Variants in HS2ST1 observed in about 807,000 individuals in gnomAD.
HS2ST1 encodes 2-O-sulfotransferase.
In HS2ST1, 18 loss-of-function variants were observed where a neutral mutation model predicts 42.9. That is an observed-to-expected ratio of 0.42 (90% CI 0.29 to 0.62). HS2ST1 has a LOEUF of 0.62. Among genes scored for constraint, HS2ST1 ranks in the 20% least tolerant of loss-of-function variants. The pLI is 0.21. For synonymous variants in HS2ST1, 146 were observed against 152.9 expected, an observed-to-expected ratio of 0.95 and a Z score of 0.33; for missense variants, 334 against 433.8, an observed-to-expected ratio of 0.77 and a Z score of 2.04.
chr1:86,926,354 C>T (rs1660422300), intron 1 of HS2ST1, among the ~76,000 whole-genome samples: 1 of 152,218 alleles, frequency 6.6e-6, no homozygotes, highest in Non-Finnish European at 1.5e-5. Context: ...CGGCAAACTT[C>T]AGCCGCCTTG....
chr1:87,001,856 G>A (rs563046425), intron 1 of HS2ST1, among the ~76,000 whole-genome samples: 8 of 151,510 alleles, frequency 5.3e-5, no homozygotes, highest in Admixed American at 2.0e-4. Flanking sequence ...CATGTGATCC[G>A]TCCACATCGG....
At position 86,915,147 on chromosome 1, in the gene HS2ST1, C is replaced by A; in HGVS notation, c.111C>A (p.Ser37=). The change falls in exon 1 of 7, where the codon TCC becomes TCA. Residue 37 remains serine (S), a synonymous_variant. Coordinates refer to ENST00000370550, the MANE Select transcript of HS2ST1 (RefSeq NM_012262.4). ...LENQIQKLEE[S]RSKLERAIAR... ...ACCAGATCCAGAAACTGGAGGAGTC[C>A]CGCTCGAAGCTAGGTGAGGAACTGA... 2 of 1,613,660 alleles carry A rather than the reference C, an allele frequency of 1.2e-6. No individual in the cohort carries two copies. Among genetic ancestry groups the A allele is most frequent in the East Asian group, 4.5e-5 (2 of 44,878 alleles).
chr1:86,940,003 A>C (rs185772198), intron 1 of HS2ST1, among the ~76,000 whole-genome samples: 8 of 152,300 alleles, frequency 5.3e-5, no homozygotes, highest in Admixed American at 5.2e-4. Flanking sequence ...ACTGTTAGCA[A>C]TATTTTTTTG....
intron 1 of HS2ST1, among the ~76,000 whole-genome samples, chr1:87,054,829 A>G (rs1650921055): frequency 6.6e-6 from 1 of 152,226 alleles, no homozygotes; most frequent in Non-Finnish European, 1.5e-5. Flanking sequence ...GAATTACTGC[A>G]TAAAAGGCTG....
chr1:86,917,281 G>A (rs964735216), intron 1 of HS2ST1, among the ~76,000 whole-genome samples: 5 of 152,314 alleles, frequency 3.3e-5, no homozygotes, highest in African/African-American at 1.2e-4. Flanking sequence ...CACTTTGGGA[G>A]GCCGAGGCCG....
chr1:87,096,401 G>C (rs567006327), intron 4 of HS2ST1, among the ~76,000 whole-genome samples: 28 of 152,146 alleles, frequency 1.8e-4, no homozygotes, highest in Non-Finnish European at 3.5e-4. Context: ...AACATATTTT[G>C]TTATACAGCG....
chr1:86,955,164 A>G (rs1647641066), intron 1 of HS2ST1, among the ~76,000 whole-genome samples: 1 of 152,208 alleles, frequency 6.6e-6, no homozygotes, highest in Admixed American at 6.5e-5. Context: ...AAAGACAAAA[A>G]TAATTTCTTA....
intron 3 of HS2ST1, among the ~76,000 whole-genome samples, chr1:87,086,430 A>C (rs965029012): frequency 3.9e-5 from 6 of 152,150 alleles, no homozygotes; most frequent in Admixed American, 6.5e-5. Flanking sequence ...TCTTCAAAAC[A>C]ATATTCTTGA....
At chr1:87,069,714 G>A (rs996572700) in intron 1 of HS2ST1, among the ~76,000 whole-genome samples, 1 of 152,042 alleles carries the variant, frequency 6.6e-6, no homozygotes, top group Non-Finnish European at 1.5e-5. Context: ...AATAGAAAAT[G>A]CATGTAAATA....
intron 1 of HS2ST1, among the ~76,000 whole-genome samples, chr1:86,983,762 G>T (rs1265012332): frequency 2.0e-5 from 3 of 152,030 alleles, no homozygotes; most frequent in Non-Finnish European, 4.4e-5. Context: ...ATTTGGCAAG[G>T]CAAGGCACGG....
chr1:87,052,707 T>G (rs1650867282), intron 1 of HS2ST1, among the ~76,000 whole-genome samples: 1 of 152,202 alleles, frequency 6.6e-6, no homozygotes, highest in Non-Finnish European at 1.5e-5. Flanking sequence ...GTAATGGATG[T>G]GATGACCAGA....
chr1:87,040,508 G>A (rs1208617168), intron 1 of HS2ST1, among the ~76,000 whole-genome samples: 2 of 152,096 alleles, frequency 1.3e-5, no homozygotes, highest in African/African-American at 4.8e-5. Flanking sequence ...GGAGCTTGTG[G>A]TGCATGGGGC....
In HS2ST1 at chr1:87,103,474, C is replaced by T; in HGVS notation, c.729C>T (p.Asn243=). 3 of 1,612,496 alleles carry T rather than the reference C, an allele frequency of 1.9e-6. No individual in the cohort carries two copies. Among genetic ancestry groups the T allele is most frequent in the Non-Finnish European group, 1.7e-6 (2 of 1,179,406 alleles). The change falls in exon 6 of 7, where the codon AAC becomes AAT. Residue 243 remains asparagine (N), a synonymous_variant. Transcript: ENST00000370550. The stretch of plus-strand genomic sequence containing the variant: ...GGGCTATGGATCAAGCCAAGTATAA[C>T]CTAATTAATGAATATTTTCTGGTGG... ...SRWAMDQAKY[N]LINEYFLVGV...
intron 1 of HS2ST1, among the ~76,000 whole-genome samples, chr1:87,035,690 T>C (rs898198105): frequency 1.3e-5 from 2 of 152,222 alleles, no homozygotes; most frequent in Non-Finnish European, 2.9e-5. Flanking sequence ...ATTTTTATTT[T>C]ATAAGAAAGT....
At chr1:86,923,855 T>G (rs565306597) in intron 1 of HS2ST1, among the ~76,000 whole-genome samples, 11 of 152,132 alleles carry the variant, frequency 7.2e-5, no homozygotes, top group African/African-American at 2.4e-4. Context: ...ACACAGCCAA[T>G]CCATATCATT....
At chr1:87,064,333 T>C (rs1352581384) in intron 1 of HS2ST1, among the ~76,000 whole-genome samples, 2 of 152,084 alleles carry the variant, frequency 1.3e-5, no homozygotes, top group Non-Finnish European at 2.9e-5. Flanking sequence ...GTCCCAGGGG[T>C]TCCAGTAGTC....
chr1:87,104,334 CT>C, intron 6 of HS2ST1, 135 bp from the exon 7 acceptor site: 1 of 635,558 alleles, frequency 1.6e-6, no homozygotes, highest in Non-Finnish European at 2.8e-6. Context: ...CCGTTTTTAC[CT>C]GAATTATATA....
rs768478184 is a variant in HS2ST1 at position 87,105,962 on chromosome 1, T to A, written c.*1266T>A. On this transcript the variant is annotated 3_prime_UTR_variant, in exon 7 of 7. Coordinates refer to ENST00000370550, the MANE Select transcript of HS2ST1 (RefSeq NM_012262.4). ...GTGATCTTGGGCAAGTCACTTAACC[T>A]CTCTTTGCCTCAATTTCCTCATCTT... is the stretch of plus-strand genomic sequence containing the variant. 2.0e-5 allele frequency: 3 copies of A among 153,034 alleles called. No homozygotes were observed. In the East Asian group the frequency reaches 5.8e-4, roughly 29 times the overall value. The allele number at this position is 153,034 out of a possible 1,614,324, so 9.5% of individuals were successfully genotyped here.
At chr1:86,936,901 G>C (rs1156366201) in intron 1 of HS2ST1, among the ~76,000 whole-genome samples, 1 of 144,090 alleles carries the variant, frequency 6.9e-6, no homozygotes, top group African/African-American at 2.6e-5. Flanking sequence ...CTTGAGACCA[G>C]CCTGGCCAAC....
Sources: gnomAD v4.1 joint callset for allele counts (sites outside exome capture counted in the v4.1 genomes callset) on GRCh38, gnomAD v4.1.1 for gene constraint, MANE v1.5 for transcripts, NCBI Gene and HGNC (gene_info 2026-07-23, HGNC 2026-07-21) for gene names.